The following ABCC4 variants were observed in gnomAD, a reference collection of about 807,000 sequenced individuals.
The protein encoded by ABCC4 is ATP binding cassette subfamily C member 4 (PEL blood group), also known as ATP-binding cassette sub-family C member 4.
Under a neutral mutation model 168.5 loss-of-function variants are expected in ABCC4, and 102 were observed. The ratio of observed to expected loss-of-function variants is 0.61; its 90% confidence interval spans 0.52 to 0.71. The LOEUF (loss-of-function observed/expected upper bound fraction) is 0.71, where lower values mean the gene tolerates loss of function less well. Ranked by LOEUF, ABCC4 falls within the 30% of genes least tolerant of loss-of-function variation. The pLI is 0.00. For synonymous variants in ABCC4, 617 were observed against 590.7 expected (o/e 1.04, Z -0.65); for missense variants, 1,402 against 1,605.8 (o/e 0.87, Z 2.17).
chr13:95,236,309 G>C, intron 3 of ABCC4, among the ~76,000 whole-genome samples: 1 of 152,150 alleles, frequency 6.6e-6, no homozygotes, highest in Non-Finnish European at 1.5e-5. Flanking sequence ...CAAAATGTTT[G>C]AAAATCTTTC....
chr13:95,076,704 A>G (rs1444140566), intron 21 of ABCC4, among the ~76,000 whole-genome samples: 2 of 152,050 alleles, frequency 1.3e-5, no homozygotes, highest in Non-Finnish European at 2.9e-5. Context: ...ACTTCAGGTG[A>G]TCTGCCCACC....
chr13:95,095,528 G>T (rs987345623), intron 20 of ABCC4, among the ~76,000 whole-genome samples: 2 of 152,094 alleles, frequency 1.3e-5, no homozygotes, highest in African/African-American at 4.8e-5. Flanking sequence ...ATGGACTTTG[G>T]GGGTTTAGGG....
intron 19 of ABCC4, among the ~76,000 whole-genome samples, chr13:95,127,703 T>C (rs573173921): frequency 2.8e-4 from 42 of 152,272 alleles, no homozygotes; most frequent in African/African-American, 9.6e-4. Context: ...TCAGTGGTGA[T>C]CTCATGCCCT....
intron 8 of ABCC4, among the ~76,000 whole-genome samples, chr13:95,202,621 G>A (rs999414534): frequency 1.3e-5 from 2 of 148,780 alleles, no homozygotes; most frequent in Admixed American, 1.3e-4. Flanking sequence ...GTTATGCTGT[G>A]CATGTGGGGA....
intron 25 of ABCC4, 128 bp downstream of exon 25, chr13:95,071,534 T>C (rs1189461): frequency 0.93 from 702,926 of 756,570 alleles, 328,415 homozygotes; most frequent in Non-Finnish European, 0.96. Flanking sequence ...CCACATTCCA[T>C]GGTTAGTTTC....
At position 95,175,858 on chromosome 13, in the gene ABCC4, C is replaced by G. The variant is rs552946449; in HGVS notation, c.1727+1849G>C. ...ACCTGCCGCTGTGGAAGCCCCCCAG[C>G]CTGTGGCATTTTGTGAGGGCAGCCC... On this transcript the variant is annotated intron_variant, in intron 13 of 30. Transcript: ENST00000645237. Among the ~76,000 whole-genome samples the G allele has an allele frequency of 1.4e-4, 22 of 152,296 alleles. No individual in the cohort carries two copies. In the East Asian group the frequency reaches 4.3e-3, roughly 30 times the overall value.
chr13:95,232,125 A>ATGATGATGG (rs1555334358), intron 4 of ABCC4, among the ~76,000 whole-genome samples: 2 of 150,892 alleles, frequency 1.3e-5, no homozygotes, highest in East Asian at 1.9e-4. Flanking sequence ...GCTGCTGATG[A>ATGATGATGG]TGATGGTGGT....
chr13:95,190,686 C>G (rs1017435779), intron 9 of ABCC4, among the ~76,000 whole-genome samples: 4 of 152,182 alleles, frequency 2.6e-5, no homozygotes, highest in Non-Finnish European at 5.9e-5. Context: ...GACATCAACA[C>G]TAGTAGACAA....
At position 95,210,681 on chromosome 13, in the gene ABCC4, C is replaced by T. The variant is rs1255279011; in HGVS notation, c.621+11G>A. 6.2e-7 allele frequency: 1 copy of T among 1,611,826 alleles called. No individual in the cohort carries two copies. The highest frequency in any genetic ancestry group is 2.2e-5 in the East Asian group (1 of 44,844). ...AATGCAATGAAAAAGGATCCCTGAG[C>T]TGCAGCTTACCTGATCAAACTTGTT... On this transcript the variant is annotated intron_variant, in intron 5 of 30. Transcript: ENST00000645237.
At chr13:95,294,188 AAAAT>A (rs1315285124) in intron 1 of ABCC4, among the ~76,000 whole-genome samples, 1 of 151,996 alleles carries the variant, frequency 6.6e-6, no homozygotes, top group Non-Finnish European at 1.5e-5. Context: ...CTAAAAATAC[AAAAT>A]AAATAAATAA....
chr13:95,034,856 C>T, intron 29 of ABCC4, 117 bp from the exon 30 acceptor site: 1 of 1,426,354 alleles, frequency 7.0e-7, no homozygotes, highest in South Asian at 1.2e-5. Flanking sequence ...GGGTGGTAGG[C>T]CTGGATAGTA....
At chr13:95,238,829 T>C (rs2039850678) in intron 3 of ABCC4, among the ~76,000 whole-genome samples, 1 of 152,226 alleles carries the variant, frequency 6.6e-6, no homozygotes, top group African/African-American at 2.4e-5. Context: ...GTGCTGGGAT[T>C]ACAGGCGTGA....
At chr13:95,043,655 C>G (rs1193833495) in intron 29 of ABCC4, 27 bp downstream of exon 29, 4 of 1,554,010 alleles carry the variant, frequency 2.6e-6, no homozygotes, top group South Asian at 1.1e-5. Context: ...TTGGGAGCAA[C>G]AGGAATTCCG....
intron 25 of ABCC4, among the ~76,000 whole-genome samples, chr13:95,066,027 T>C (rs2033529218): frequency 6.6e-6 from 1 of 152,256 alleles, no homozygotes; most frequent in African/African-American, 2.4e-5. Flanking sequence ...CAACTAACCT[T>C]TCCATCCTTA....
At chr13:95,179,778 G>A (rs975064184) in intron 11 of ABCC4, among the ~76,000 whole-genome samples, 5 of 152,090 alleles carry the variant, frequency 3.3e-5, no homozygotes, top group South Asian at 2.1e-4. Flanking sequence ...TGACAAAGCC[G>A]GGGAGACAAA....
At chr13:95,242,052 C>G (rs1354549375) in intron 3 of ABCC4, among the ~76,000 whole-genome samples, 1 of 152,040 alleles carries the variant, frequency 6.6e-6, no homozygotes, top group Non-Finnish European at 1.5e-5. Flanking sequence ...CAACCTCCGG[C>G]ATAAGTGGGT....
intron 13 of ABCC4, among the ~76,000 whole-genome samples, chr13:95,177,011 T>A (rs1387808900): frequency 6.6e-6 from 1 of 152,122 alleles, no homozygotes; most frequent in African/African-American, 2.4e-5. Context: ...AAACACCACG[T>A]AAGAGTTGGG....
At chr13:95,212,063 G>A (rs1205025482) in intron 4 of ABCC4, among the ~76,000 whole-genome samples, 2 of 151,522 alleles carry the variant, frequency 1.3e-5, no homozygotes, top group Non-Finnish European at 2.9e-5. Flanking sequence ...TGTAATCCCA[G>A]CTACTCGGGA....
intron 1 of ABCC4, among the ~76,000 whole-genome samples, chr13:95,282,174 T>C (rs1383718693): frequency 2.0e-5 from 3 of 150,866 alleles, no homozygotes; most frequent in East Asian, 1.9e-4. Flanking sequence ...TCAAATACAA[T>C]CACATTCTGA....
Sources: gnomAD v4.1 joint callset for allele counts (sites outside exome capture counted in the v4.1 genomes callset) on GRCh38, gnomAD v4.1.1 for gene constraint, MANE v1.5 for transcripts, NCBI Gene and HGNC (gene_info 2026-07-23, HGNC 2026-07-21) for gene names.